The following GALNT16 variants were observed in gnomAD, a reference collection of about 807,000 sequenced individuals.
GALNT16 encodes the protein polypeptide N-acetylgalactosaminyltransferase 16.
In GALNT16, 40 loss-of-function variants were observed where a neutral mutation model predicts 76.1. The ratio of observed to expected loss-of-function variants is 0.53; its 90% CI spans 0.41 to 0.68. The LOEUF is 0.68. GALNT16 is among the 30% of genes least tolerant of loss of function. GALNT16 has a pLI of 0.00. For missense variants in GALNT16, 621 were observed against 731.9 expected (o/e 0.85, Z 1.75); for synonymous variants, 276 against 285.2 (o/e 0.97, Z 0.32).
At chr14:69,323,533 A>G (rs1265302884) in intron 2 of GALNT16, among the ~76,000 whole-genome samples, 2 of 152,122 alleles carry the variant, frequency 1.3e-5, no homozygotes, top group Non-Finnish European at 2.9e-5. Context: ...GGGAGGGTGC[A>G]CACTTAGGAG....
intron 1 of GALNT16, among the ~76,000 whole-genome samples, chr14:69,306,832 G>A (rs928354541): frequency 3.9e-5 from 6 of 152,134 alleles, no homozygotes; most frequent in East Asian, 1.9e-4. Flanking sequence ...CACTAGAAAC[G>A]TACTGCCAGA....
chr14:69,381,665 C>G, the GALNT16 span, among the ~76,000 whole-genome samples: 1 of 152,016 alleles, frequency 6.6e-6, no homozygotes, highest in East Asian at 1.9e-4. Flanking sequence ...TACAATTATC[C>G]TCACTTCCCA....
intron 9 of GALNT16, among the ~76,000 whole-genome samples, chr14:69,338,373 T>G (rs1474555037): frequency 6.6e-6 from 1 of 152,264 alleles, no homozygotes; most frequent in Non-Finnish European, 1.5e-5. Flanking sequence ...CTTCTACTTA[T>G]GTTCTTGGTG....
At chr14:69,374,953 T>A in the GALNT16 span, among the ~76,000 whole-genome samples, 1 of 151,886 alleles carries the variant, frequency 6.6e-6, no homozygotes, top group Non-Finnish European at 1.5e-5. Context: ...GAAATGACAT[T>A]AATTTATTCA....
chr14:69,322,103 G>C (rs1594849445), intron 2 of GALNT16, among the ~76,000 whole-genome samples: 1 of 152,202 alleles, frequency 6.6e-6, no homozygotes, highest in Non-Finnish European at 1.5e-5. Context: ...CACAGGGCTG[G>C]GGGAGCCCCA....
At chr14:69,330,487 G>T (rs931494018) in intron 6 of GALNT16, among the ~76,000 whole-genome samples, 10 of 152,278 alleles carry the variant, frequency 6.6e-5, no homozygotes, top group Non-Finnish European at 1.3e-4. Context: ...CATCAATTGT[G>T]TACTTTAAAC....
At chr14:69,370,459 T>C in the GALNT16 span, among the ~76,000 whole-genome samples, 1,767 of 152,310 alleles carry the variant, frequency 0.012, 34 homozygotes, top group African/African-American at 0.039. Flanking sequence ...ATGGATGCAT[T>C]GTCAGTCTTA....
intron 2 of GALNT16, among the ~76,000 whole-genome samples, chr14:69,321,477 G>C (rs897328): frequency 0.77 from 117,646 of 152,008 alleles, 46,216 homozygotes; most frequent in East Asian, 1. Context: ...CTGTCTAGAG[G>C]GTGAAAGTCA....
chr14:69,325,877 T>C, intron 4 of GALNT16, 85 bp from the exon 5 acceptor site: 1 of 1,041,186 alleles, frequency 9.6e-7, no homozygotes, highest in East Asian at 2.4e-5. Flanking sequence ...CTGGGCTTAG[T>C]ATGGGGCAAT....
the GALNT16 span, among the ~76,000 whole-genome samples, chr14:69,369,460 A>G: frequency 6.8e-4 from 104 of 152,344 alleles, no homozygotes; most frequent in African/African-American, 2.5e-3. Flanking sequence ...GCTGGCTAGC[A>G]ACACCATTCA....
the GALNT16 span, among the ~76,000 whole-genome samples, chr14:69,383,546 G>A: frequency 1.3e-5 from 2 of 152,164 alleles, no homozygotes; most frequent in Admixed American, 1.3e-4. Context: ...AAAGTCACCT[G>A]GGGAAAATAG....
intron 6 of GALNT16, among the ~76,000 whole-genome samples, chr14:69,329,372 G>A (rs1231072298): frequency 6.6e-6 from 1 of 152,100 alleles, no homozygotes; most frequent in African/African-American, 2.4e-5. Context: ...AAAAAAATTG[G>A]CAAAGGATTT....
the GALNT16 span, among the ~76,000 whole-genome samples, chr14:69,373,983 G>A: frequency 5.3e-5 from 8 of 152,066 alleles, no homozygotes; most frequent in Non-Finnish European, 1.0e-4. Flanking sequence ...GTTTTGCCAC[G>A]TTGCCCAGGC....
At chr14:69,313,401 C>T (rs888038826) in intron 1 of GALNT16, among the ~76,000 whole-genome samples, 1 of 152,222 alleles carries the variant, frequency 6.6e-6, no homozygotes, top group East Asian at 1.9e-4. Flanking sequence ...CCTGGTGGAC[C>T]TGGAGAGGAC....
rs145319228 is a variant in GALNT16, at chr14:69,287,366, C to T, written c.177+26899C>T. Among the ~76,000 whole-genome samples the T allele has an allele frequency of 4.1e-3, 623 of 152,354 alleles. 3 individuals are homozygous for T. Among genetic ancestry groups the T allele is most frequent in the African/African-American group, 0.014 (600 of 41,576 alleles). On this transcript the variant is annotated intron_variant, in intron 1 of 14. Transcript: ENST00000448469. ...TAGCCAGATGCTCAGTAAGTGTTTA[C>T]TGGCTAAACGCAAGGATGAGTGAAC...
intron 1 of GALNT16, among the ~76,000 whole-genome samples, chr14:69,295,310 GA>G (rs2044743959): frequency 6.6e-6 from 1 of 151,668 alleles, no homozygotes; most frequent in South Asian, 2.1e-4. Context: ...AGCTACTTGA[GA>G]GGCTGAGACG....
chr14:69,340,077 A>AAG (rs776517967), intron 11 of GALNT16, among the ~76,000 whole-genome samples: 1 of 152,174 alleles, frequency 6.6e-6, no homozygotes, highest in African/African-American at 2.4e-5. Context: ...AGCATTTAAA[A>AAG]AGAGAGAGAG....
intron 12 of GALNT16, among the ~76,000 whole-genome samples, chr14:69,346,354 T>C (rs2045564307): frequency 6.6e-6 from 1 of 152,224 alleles, no homozygotes; most frequent in South Asian, 2.1e-4. Flanking sequence ...ATTATTTTTG[T>C]AGGATATGTT....
chr14:69,325,468 C>T (rs1488355233), intron 4 of GALNT16, 64 bp downstream of exon 4: 3 of 954,058 alleles, frequency 3.1e-6, no homozygotes, highest in Non-Finnish European at 3.5e-6. Context: ...CCCCAGAACA[C>T]CAAGGCAAGC....
Sources: gnomAD v4.1 joint callset for allele counts (sites outside exome capture counted in the v4.1 genomes callset) on GRCh38, gnomAD v4.1.1 for gene constraint, MANE v1.5 for transcripts, NCBI Gene and HGNC (gene_info 2026-07-23, HGNC 2026-07-21) for gene names.